The following RIF1 variants were observed in gnomAD, a reference collection of about 807,000 sequenced individuals.
RIF1 encodes replication timing regulatory factor 1.
Under a neutral mutation model 247.1 loss-of-function variants are expected in RIF1, and 45 were observed. The observed-to-expected ratio is 0.18, with a 90% CI of 0.14 to 0.23. The LOEUF (loss-of-function observed/expected upper bound fraction) is 0.23. RIF1 is among the 10% of genes least tolerant of loss of function. The pLI is 1.00. For synonymous variants in RIF1, 1,087 were observed against 978.8 expected, an observed-to-expected ratio of 1.11 and a Z score of -2.06; for missense variants, 2,967 against 2,862.5, an observed-to-expected ratio of 1.04 and a Z score of -0.83.
Position 151,476,476 on chromosome 2 carries a change from C to T in RIF1, c.*1405C>T, listed in dbSNP as rs1449906448. The T allele has an allele frequency of 6.6e-6, 1 of 152,146 alleles. No homozygotes were observed. The highest frequency in any genetic ancestry group is 1.5e-5 in the Non-Finnish European group (1 of 68,008). 9.4% of individuals were successfully genotyped at this position (152,146 alleles called of 1,614,324 possible). A position where few individuals can be genotyped will look rare whatever the true frequency, so the allele number is the denominator to read the frequency against. On this transcript the variant is annotated 3_prime_UTR_variant, in exon 36 of 36. Coordinates refer to ENST00000444746, the MANE Select transcript of RIF1 (RefSeq NM_018151.5). ...TCAGTTTTCACATTTTATTCAGAAG[C>T]TAATCCCTACTTAGCAAGGCACACA...
chr2:151,451,519 C>G, intron 20 of RIF1, 87 bp from the exon 21 acceptor site: 2 of 723,132 alleles, frequency 2.8e-6, no homozygotes, highest in South Asian at 2.9e-5. Context: ...ATGGGAGTAA[C>G]AGTCTTATAT....
the RIF1 span, among the ~76,000 whole-genome samples, chr2:151,520,356 C>G: frequency 2.0e-5 from 3 of 151,754 alleles, no homozygotes; most frequent in Admixed American, 2.0e-4. Context: ...TGATTTCAGA[C>G]TAGAAGTAGG....
the RIF1 span, among the ~76,000 whole-genome samples, chr2:151,526,511 T>C: frequency 1.3e-5 from 2 of 152,176 alleles, no homozygotes; most frequent in African/African-American, 4.8e-5. Flanking sequence ...CACAGCACGC[T>C]CAGATATGCC....
At chr2:151,472,428 A>G (rs1176777218) in intron 34 of RIF1, among the ~76,000 whole-genome samples, 5 of 152,216 alleles carry the variant, frequency 3.3e-5, no homozygotes, top group Admixed American at 3.3e-4. Context: ...GTTGTGAGAG[A>G]GGGCATCCCT....
chr2:151,493,316 A>G (rs1455064526), intron 9 of RIF1: 3 of 1,442,810 alleles, frequency 2.1e-6, no homozygotes, highest in Non-Finnish European at 2.9e-6. Context: ...TTATTTTCCA[A>G]GTTGTTGCAC....
At chr2:151,466,286 GA>G (rs1292875893) in intron 30 of RIF1, among the ~76,000 whole-genome samples, 166 bp downstream of exon 30, 1 of 151,942 alleles carries the variant, frequency 6.6e-6, no homozygotes, top group African/African-American at 2.4e-5. Flanking sequence ...AAAAGGTTTC[GA>G]AAAAAGGAGA....
the RIF1 span, chr2:151,513,722 G>A: frequency 6.4e-6 from 9 of 1,410,284 alleles, no homozygotes; most frequent in East Asian, 9.6e-5. Flanking sequence ...AAAAAAAAAA[G>A]GTACCTAAAT....
Position 151,451,626 on chromosome 2 carries a change from A to G in RIF1, c.2265A>G (p.Arg755=), listed in dbSNP as rs1046060177. The G allele has an allele frequency of 5.5e-6, 8 of 1,450,082 alleles. No homozygotes were observed. The African/African-American group carries it at 9.8e-5, about 18-fold the overall frequency. 89.8% of individuals were successfully genotyped at this position (1,450,082 alleles called of 1,614,324 possible). A position where few individuals can be genotyped will look rare whatever the true frequency, so the allele number is the denominator to read the frequency against. The change falls in exon 21 of 36, where the codon AGA becomes AGG. Residue 755 remains arginine (R), a synonymous_variant. Transcript: ENST00000444746. ...EGFSNLLFVD[R]IIYIITVMVD... is the part of the protein sequence containing the mutation. ...CCTAGAATTTGTTGTTCGTGGATAG[A>G]ATTATTTATATTATTACTGTAATGG...
chr2:151,430,720 G>A (rs1689962405), intron 9 of RIF1, among the ~76,000 whole-genome samples: 1 of 150,056 alleles, frequency 6.7e-6, no homozygotes, highest in African/African-American at 2.5e-5. Context: ...CTGGAGTGCA[G>A]TGGCTGACTG....
In RIF1 at chr2:151,463,763, A is replaced by C. The variant is rs1453478431; in HGVS notation, c.4243A>C (p.Arg1415=). ...VQITPNQKTL[R]RSSRRRSEVV... is the part of the protein sequence containing the mutation. ...GATAACTCCAAATCAGAAAACCCTT[A>C]GACGGTCTTCAAGGCGACGTTCAGA... Residue 1415 remains arginine, a synonymous_variant, in exon 30 of 36, where the codon AGA becomes CGA. Coordinates refer to ENST00000444746, the MANE Select transcript of RIF1 (RefSeq NM_018151.5). The C allele has an allele frequency of 1.2e-6, 2 of 1,614,000 alleles. No individual in the cohort carries two copies.
At chr2:151,428,331 T>C (rs1689481960) in intron 8 of RIF1, among the ~76,000 whole-genome samples, 1 of 152,254 alleles carries the variant, frequency 6.6e-6, no homozygotes, top group African/African-American at 2.4e-5. Context: ...TTTACAGCCA[T>C]GAAATAAGAT....
rs1281058182 is a variant in RIF1 at position 151,426,670 on chromosome 2, G to GT, written c.787-2104dup. On this transcript the variant is annotated intron_variant, in intron 8 of 35. Transcript: ENST00000444746. The stretch of plus-strand genomic sequence containing the variant: ...TCCATTTATTTAGGGTTTTTTTTTT[G>GT]TTTTTTTTTTAAGACAGAGTCTCGC... Among the ~76,000 whole-genome samples the GT allele has an allele frequency of 2.7e-3, 387 of 142,942 alleles. 1 individual carries two copies. The highest frequency in any genetic ancestry group is 3.8e-3 in the South Asian group (17 of 4,532). 93.8% of individuals were successfully genotyped at this position (142,942 alleles called of 152,430 possible).
rs369530249 is a variant in RIF1, at chr2:151,461,275, T to C, written c.3213T>C (p.Val1071=). 6.2e-7 allele frequency: 1 copy of C among 1,612,458 alleles called. No individual in the cohort carries two copies. Among genetic ancestry groups the C allele is most frequent in the Non-Finnish European group, 8.5e-7 (1 of 1,179,672 alleles). Residue 1071 remains valine, a synonymous_variant, in exon 27 of 36, where the codon GTT becomes GTC. Transcript: ENST00000444746. ...TATTAACTGATCATCAAAAAGAAGT[T>C]CTCAAAACAAAGCGGTTTGTAGGCC... ...ERILTDHQKE[V]LKTKRCDIPA...
chr2:151,501,611 T>C (rs951632096), intron 11 of RIF1: 25 of 482,120 alleles, frequency 5.2e-5, no homozygotes, highest in Middle Eastern at 6.0e-4. Context: ...TCAGTAACTT[T>C]TAAAAATAGA....
At position 151,462,969 on chromosome 2, in the gene RIF1, T is replaced by A. The variant is rs911138694; in HGVS notation, c.3449T>A (p.Leu1150His). Residue 1150 changes from leucine (L) to histidine (H), a missense_variant, in exon 30 of 36, where the codon CTT becomes CAT. Transcript: ENST00000444746. The part of the protein sequence containing the change: ...GMAEHLEKSS[L>H]SNNECGSLDK... ...GCTGAACATCTTGAAAAGTCCTCCC[T>A]TTCGAATAATGAGTGTGGTTCTCTT... 6.2e-7 allele frequency: 1 copy of A among 1,613,938 alleles called. No homozygotes were observed. The highest frequency in any genetic ancestry group is 1.7e-5 in the Admixed American group (1 of 60,002).
chr2:151,432,265 C>T (rs574330993), intron 9 of RIF1, among the ~76,000 whole-genome samples: 2 of 152,322 alleles, frequency 1.3e-5, no homozygotes, highest in South Asian at 2.1e-4. Context: ...CTGCCTCATC[C>T]TCCCAAAGTG....
chr2:151,435,874 T>G (rs1025486286), intron 11 of RIF1, among the ~76,000 whole-genome samples: 1 of 151,990 alleles, frequency 6.6e-6, no homozygotes, highest in African/African-American at 2.4e-5. Flanking sequence ...AAAAAAAGCC[T>G]CAGAGCAGCT....
chr2:151,496,336 A>C, intron 10 of RIF1: 1 of 1,611,364 alleles, frequency 6.2e-7, no homozygotes, highest in Non-Finnish European at 8.5e-7. Flanking sequence ...CAGCTAAAGG[A>C]GTTCCCTTGC....
intron 9 of RIF1, chr2:151,493,678 CA>C (rs2058261198): frequency 9.5e-7 from 1 of 1,047,460 alleles, no homozygotes; most frequent in African/African-American, 1.6e-5. Flanking sequence ...TAAAGATACA[CA>C]AAAGTTTTGG....
Sources: gnomAD v4.1 joint callset for allele counts (sites outside exome capture counted in the v4.1 genomes callset) on GRCh38, gnomAD v4.1.1 for gene constraint, MANE v1.5 for transcripts, NCBI Gene and HGNC (gene_info 2026-07-23, HGNC 2026-07-21) for gene names.